The following PDZRN4 variants were observed in gnomAD, a reference collection of about 807,000 sequenced individuals.
PDZRN4 encodes PDZ domain containing ring finger 4.
PDZRN4 carries 70 observed loss-of-function variants against 99.0 expected under a neutral mutation model. The ratio of observed to expected loss-of-function variants is 0.71; its 90% CI spans 0.58 to 0.86. The LOEUF (loss-of-function observed/expected upper bound fraction) is 0.86, where lower values mean the gene tolerates loss of function less well. Ranked by LOEUF, PDZRN4 falls within the 40% of genes least tolerant of loss-of-function variation. PDZRN4 has a pLI of 0.00. For synonymous variants in PDZRN4, 551 were observed against 501.6 expected, an observed-to-expected ratio of 1.10 and a Z score of -1.32; for missense variants, 1,474 against 1,331.2, an observed-to-expected ratio of 1.11 and a Z score of -1.67.
At chr12:41,223,728 G>A (rs1331124923) in intron 3 of PDZRN4, among the ~76,000 whole-genome samples, 1 of 152,146 alleles carries the variant, frequency 6.6e-6, no homozygotes, top group Non-Finnish European at 1.5e-5. Flanking sequence ...GCAAGAGGCG[G>A]AAAGAACTGA....
At chr12:41,351,883 G>C (rs1951892502) in intron 3 of PDZRN4, among the ~76,000 whole-genome samples, 1 of 151,778 alleles carries the variant, frequency 6.6e-6, no homozygotes. Context: ...GGTGATACTT[G>C]TCTGTAATCC....
At chr12:41,545,193 C>T (rs780386066) in intron 5 of PDZRN4, among the ~76,000 whole-genome samples, 1 of 152,168 alleles carries the variant, frequency 6.6e-6, no homozygotes, top group African/African-American at 2.4e-5. Flanking sequence ...GTGTAGTCAT[C>T]CTTCCGTGAT....
chr12:41,511,496 C>G (rs902061126), intron 5 of PDZRN4, among the ~76,000 whole-genome samples: 6 of 152,036 alleles, frequency 3.9e-5, no homozygotes, highest in African/African-American at 1.4e-4. Flanking sequence ...AGCTGTGATT[C>G]CGTTGCCAAA....
intron 3 of PDZRN4, among the ~76,000 whole-genome samples, chr12:41,418,896 C>A (rs1403428436): frequency 6.6e-6 from 1 of 152,062 alleles, no homozygotes; most frequent in African/African-American, 2.4e-5. Context: ...CAACCCACAG[C>A]CTGAGAACTA....
chr12:41,399,689 T>C lies in PDZRN4; in HGVS notation c.844-106767T>C, dbSNP rs186792013. On this transcript the variant is annotated intron_variant, in intron 3 of 9. Coordinates refer to ENST00000402685, the MANE Select transcript of PDZRN4 (RefSeq NM_001164595.2). ...GGGCAGAGGTTGTAGTGAGTGAAGATTGTGCCATTGCACTCCAGCCTGGGC... is the reference window on the plus strand; with the variant it reads ...GGGCAGAGGTTGTAGTGAGTGAAGACTGTGCCATTGCACTCCAGCCTGGGC... 4.4e-3 allele frequency among the ~76,000 whole-genome samples: 667 copies of C among 151,892 alleles called. 5 individuals are homozygous for C. The highest frequency in any genetic ancestry group is 0.014 in the African/African-American group (587 of 41,392).
chr12:41,190,947 C>T (rs1217275816), intron 1 of PDZRN4, among the ~76,000 whole-genome samples: 1 of 152,126 alleles, frequency 6.6e-6, no homozygotes, highest in Non-Finnish European at 1.5e-5. Context: ...AAAATTAGGA[C>T]TACAGTAGCC....
At chr12:41,408,590 A>G (rs1313931810) in intron 3 of PDZRN4, among the ~76,000 whole-genome samples, 17 of 152,218 alleles carry the variant, frequency 1.1e-4, no homozygotes, top group Admixed American at 1.1e-3. Flanking sequence ...TGGAAAGATT[A>G]TATGGCTTCT....
At chr12:41,260,481 T>C (rs1951230021) in intron 3 of PDZRN4, among the ~76,000 whole-genome samples, 1 of 152,144 alleles carries the variant, frequency 6.6e-6, no homozygotes, top group Non-Finnish European at 1.5e-5. Context: ...ATGTAGCATA[T>C]GTAAGTTATG....
intron 3 of PDZRN4, chr12:41,437,721 G>A: frequency 7.0e-7 from 1 of 1,436,722 alleles, no homozygotes; most frequent in Non-Finnish European, 9.1e-7. Context: ...GAAACTCTGT[G>A]TGTGTATCCG....
intron 3 of PDZRN4, among the ~76,000 whole-genome samples, chr12:41,356,009 C>G (rs533642466): frequency 1.8e-4 from 27 of 151,960 alleles, no homozygotes; most frequent in Non-Finnish European, 2.9e-4. Flanking sequence ...CAAAGATCCT[C>G]TTTTGTTTTT....
intron 5 of PDZRN4, among the ~76,000 whole-genome samples, chr12:41,537,673 T>C (rs891582026): frequency 4.6e-5 from 7 of 152,104 alleles, no homozygotes; most frequent in African/African-American, 1.4e-4. Context: ...TTAAGAAGAT[T>C]CATCAGGCAG....
At chr12:41,440,181 A>G (rs1374196282) in intron 3 of PDZRN4, among the ~76,000 whole-genome samples, 3 of 152,124 alleles carry the variant, frequency 2.0e-5, no homozygotes, top group Non-Finnish European at 4.4e-5. Flanking sequence ...TGGCACATAC[A>G]CTAACACCTG....
intron 3 of PDZRN4, among the ~76,000 whole-genome samples, chr12:41,426,413 A>G (rs1169473558): frequency 6.6e-6 from 1 of 152,176 alleles, no homozygotes; most frequent in Non-Finnish European, 1.5e-5. Context: ...CTGATTCAAG[A>G]CCACCTCTAC....
intron 1 of PDZRN4, 79 bp downstream of exon 1, chr12:41,189,182 T>G: frequency 7.2e-7 from 1 of 1,386,550 alleles, no homozygotes; most frequent in Non-Finnish European, 9.8e-7. Flanking sequence ...CGCTTCAGGA[T>G]TCCTTTGGAA....
chr12:41,520,619 G>GACACACAC (rs10580466), intron 5 of PDZRN4, among the ~76,000 whole-genome samples: 32 of 137,366 alleles, frequency 2.3e-4, no homozygotes, highest in African/African-American at 6.2e-4. Flanking sequence ...CCTAAATACA[G>GACACACAC]ACACACACAC....
chr12:41,450,936 C>T (rs1952769406), intron 3 of PDZRN4, among the ~76,000 whole-genome samples: 1 of 151,854 alleles, frequency 6.6e-6, no homozygotes, highest in Non-Finnish European at 1.5e-5. Flanking sequence ...TCAATACAAA[C>T]AAACAAACTA....
intron 3 of PDZRN4, among the ~76,000 whole-genome samples, chr12:41,302,160 T>A (rs1225981725): frequency 2.6e-5 from 4 of 152,154 alleles, no homozygotes. Flanking sequence ...GTGTGTATAT[T>A]TTTGTATGTA....
intron 3 of PDZRN4, among the ~76,000 whole-genome samples, chr12:41,256,300 G>A (rs983834312): frequency 1.3e-5 from 2 of 152,042 alleles, no homozygotes; most frequent in Non-Finnish European, 2.9e-5. Context: ...CTATCTCAGA[G>A]TCAAATTTTG....
At chr12:41,285,462 C>A (rs1951416728) in intron 3 of PDZRN4, among the ~76,000 whole-genome samples, 1 of 152,140 alleles carries the variant, frequency 6.6e-6, no homozygotes, top group Non-Finnish European at 1.5e-5. Flanking sequence ...CCTCAAGGAT[C>A]TAGAGCCAGA....
Sources: gnomAD v4.1 joint callset for allele counts (sites outside exome capture counted in the v4.1 genomes callset) on GRCh38, gnomAD v4.1.1 for gene constraint, MANE v1.5 for transcripts, NCBI Gene and HGNC (gene_info 2026-07-23, HGNC 2026-07-21) for gene names.